Variants in AADACL2 observed in about 807,000 individuals in gnomAD.
AADACL2 encodes arylacetamide deacetylase like 2, also known as arylacetamide deacetylase-like 2.
In AADACL2, 23 loss-of-function variants were observed where a neutral mutation model predicts 22.3. That is an observed-to-expected ratio of 1.03 (90% CI 0.74 to 1.46). AADACL2 has a LOEUF of 1.46. Among genes scored for constraint, AADACL2 ranks in the 40% most tolerant of loss-of-function variants. AADACL2 has a pLI of 0.00. For missense variants in AADACL2, 472 were observed against 482.9 expected, an observed-to-expected ratio of 0.98 and a Z score of 0.21; for synonymous variants, 177 against 166.2, an observed-to-expected ratio of 1.07 and a Z score of -0.50.
rs1714003493 is a variant in AADACL2 at position 151,757,931 on chromosome 3, T to C, written c.*337T>C. 1 of 177,116 alleles carries C rather than the reference T, an allele frequency of 5.6e-6. No individual in the cohort carries two copies. The highest frequency in any genetic ancestry group is 1.2e-5 in the Non-Finnish European group (1 of 84,202). 11.0% of individuals were successfully genotyped at this position (177,116 alleles called of 1,614,324 possible). On this transcript the variant is annotated 3_prime_UTR_variant, in exon 5 of 5. Coordinates refer to ENST00000356517, the MANE Select transcript of AADACL2 (RefSeq NM_207365.4). ...CAGATAGGCACAGAAATTGTTGTAG[T>C]GAGTGGGAAGAGGAAAAAACATGGA...
chr3:151,743,429 G>T (rs182508283), intron 2 of AADACL2, among the ~76,000 whole-genome samples: 21 of 152,260 alleles, frequency 1.4e-4, no homozygotes, highest in Middle Eastern at 3.4e-3. Flanking sequence ...AAAGATGTGT[G>T]TGTGTGTGTT....
chr3:151,741,881 A>T (rs994312209), intron 2 of AADACL2, among the ~76,000 whole-genome samples: 2 of 152,166 alleles, frequency 1.3e-5, no homozygotes, highest in African/African-American at 4.8e-5. Flanking sequence ...ATAGGCAATG[A>T]TTGTGATCAG....
chr3:151,752,761 TA>T (rs1277740266), intron 4 of AADACL2, among the ~76,000 whole-genome samples: 1 of 152,190 alleles, frequency 6.6e-6, no homozygotes, highest in Non-Finnish European at 1.5e-5. Flanking sequence ...TTAGATATTC[TA>T]AAAAATAAGT....
Position 151,757,644 on chromosome 3 carries a change from T to A in AADACL2, c.*50T>A. On this transcript the variant is annotated 3_prime_UTR_variant, in exon 5 of 5. Coordinates refer to ENST00000356517, the MANE Select transcript of AADACL2 (RefSeq NM_207365.4). ...TTACATAGTGGATTGTAATTTGTGATATTTTGTGGTTTTGGAGCAAAGAAC... is the reference window on the plus strand; with the variant it reads ...TTACATAGTGGATTGTAATTTGTGAAATTTTGTGGTTTTGGAGCAAAGAAC... 6.6e-7 allele frequency: 1 copy of A among 1,526,038 alleles called. No homozygotes were observed. The highest frequency in any genetic ancestry group is 8.8e-7 in the Non-Finnish European group (1 of 1,138,772). 94.5% of individuals were successfully genotyped at this position (1,526,038 alleles called of 1,614,324 possible).
At chr3:151,742,076 A>G (rs1713295844) in intron 2 of AADACL2, among the ~76,000 whole-genome samples, 1 of 152,210 alleles carries the variant, frequency 6.6e-6, no homozygotes, top group Non-Finnish European at 1.5e-5. Context: ...TCACCAAGAA[A>G]AAATAGACAT....
At chr3:151,745,241 A>T (rs1713400233) in intron 3 of AADACL2, among the ~76,000 whole-genome samples, 1 of 152,218 alleles carries the variant, frequency 6.6e-6, no homozygotes, top group Non-Finnish European at 1.5e-5. Flanking sequence ...ATACACTTGG[A>T]CTAAAATTTT....
Position 151,757,551 on chromosome 3 carries a change from G to A in AADACL2, c.1163G>A (p.Arg388Lys). ...CCATTTTATTTACGTCTAGGTCTTA[G>A]GATAAGAGATATGTATGTAAGTTGG... ...TSPFYLRLGL[R>K]IRDMYVSWLD... Residue 388 changes from arginine (R) to lysine (K), a missense_variant, in exon 5 of 5, where the codon AGG (arginine) becomes AAG (lysine). Arg to Lys is a conservative substitution (Grantham distance 26, BLOSUM62 2). Around this residue, in one of 3 missense-constraint regions of AADACL2, gnomAD observed 113 missense variants for 100.9 expected, o/e 1.12. Coordinates refer to ENST00000356517, the MANE Select transcript of AADACL2 (RefSeq NM_207365.4). 6.2e-7 allele frequency: 1 copy of A among 1,612,690 alleles called. No homozygotes were observed. Among genetic ancestry groups the A allele is most frequent in the Non-Finnish European group, 8.5e-7 (1 of 1,179,146 alleles).
intron 4 of AADACL2, among the ~76,000 whole-genome samples, chr3:151,752,134 T>A (rs56339496): frequency 0.19 from 28,763 of 152,146 alleles, 2,816 homozygotes; most frequent in East Asian, 0.27. Context: ...TTATTACCTG[T>A]ACTGTGTTTA....
chr3:151,739,278 G>A (rs1360703326), intron 1 of AADACL2, among the ~76,000 whole-genome samples: 1 of 152,266 alleles, frequency 6.6e-6, no homozygotes, highest in African/African-American at 2.4e-5. Context: ...GTTGCAGTTT[G>A]CTGGAGGTCC....
chr3:151,745,678 C>T lies in AADACL2; in HGVS notation c.601C>T (p.Gln201Ter). 1 of 1,600,806 alleles carries T rather than the reference C, an allele frequency of 6.2e-7. No homozygotes were observed. The highest frequency in any genetic ancestry group is 8.5e-7 in the Non-Finnish European group (1 of 1,175,656). ...GGNLATAVTQ[Q>*]VQNDAEIKHK... ...CAATTTAGCAACAGCGGTCACTCAA[C>T]AGGTACATTATATTTGTTTTTATGA... is the stretch of plus-strand genomic sequence containing the variant. The change falls in exon 4 of 5, where the codon CAG (glutamine) becomes TAG (stop). Residue 201 changes from glutamine (Q) to a stop codon, truncating the protein, a stop_gained and splice_region_variant. Coordinates refer to ENST00000356517, the MANE Select transcript of AADACL2 (RefSeq NM_207365.4). LOFTEE classifies it low-confidence loss of function (END_TRUNC).
intron 2 of AADACL2, 124 bp from the exon 3 acceptor site, chr3:151,743,969 G>A (rs1169967855): frequency 1.1e-5 from 10 of 924,460 alleles, no homozygotes; most frequent in Admixed American, 6.5e-5. Flanking sequence ...GCTTGGAAAT[G>A]GGGGGTGGAA....
chr3:151,756,435 A>T (rs1035137554), intron 4 of AADACL2, among the ~76,000 whole-genome samples: 4 of 151,696 alleles, frequency 2.6e-5, no homozygotes, highest in African/African-American at 4.8e-5. Context: ...GTGCTTTTGC[A>T]TTGGGATAAT....
chr3:151,744,979 T>G (rs1713391875), intron 3 of AADACL2, among the ~76,000 whole-genome samples: 2 of 152,146 alleles, frequency 1.3e-5, no homozygotes, highest in South Asian at 4.1e-4. Flanking sequence ...CTCTCTGGCA[T>G]ATTTAAATTT....
In AADACL2 at chr3:151,761,208, T is replaced by TATATAG. The variant is rs1431824095; in HGVS notation, c.*3619_*3620insGATATA. 7.8e-5 allele frequency: 4 copies of TATATAG among 51,528 alleles called. No homozygotes were observed. Among genetic ancestry groups the TATATAG allele is most frequent in the African/African-American group, 3.3e-4 (4 of 12,232 alleles). 3.2% of individuals were successfully genotyped at this position (51,528 alleles called of 1,614,324 possible). A position where few individuals can be genotyped will look rare whatever the true frequency, so the allele number is the denominator to read the frequency against. On this transcript the variant is annotated 3_prime_UTR_variant, in exon 5 of 5. Transcript: ENST00000356517. ...GGTGAGATATATACATATTGTGATA[T>TATATAG]ATATATATATATATATATATATATA...
At position 151,740,870 on chromosome 3, in the gene AADACL2, T is replaced by G; in HGVS notation, c.361+2T>G. On this transcript the variant is annotated splice_donor_variant, in intron 2 of 4. Transcript: ENST00000356517. LOFTEE classifies it high-confidence loss of function. ...GTGGTTTTTGTTTTGGAAGTTCCAGTAAGTTCATTGTATAAGGAAAAAGTG... is the reference window on the plus strand; with the variant it reads ...GTGGTTTTTGTTTTGGAAGTTCCAGGAAGTTCATTGTATAAGGAAAAAGTG... 1 of 1,613,638 alleles carries G rather than the reference T, an allele frequency of 6.2e-7. No homozygotes were observed. Among genetic ancestry groups the G allele is most frequent in the Non-Finnish European group, 8.5e-7 (1 of 1,179,680 alleles).
intron 2 of AADACL2, among the ~76,000 whole-genome samples, chr3:151,741,286 A>G (rs1433464448): frequency 6.6e-6 from 1 of 152,198 alleles, no homozygotes; most frequent in Admixed American, 6.5e-5. Context: ...TACTGATAAC[A>G]TAATAGAAAT....
intron 4 of AADACL2, among the ~76,000 whole-genome samples, chr3:151,750,132 T>A (rs529747914): frequency 6.6e-6 from 1 of 152,354 alleles, no homozygotes; most frequent in South Asian, 2.1e-4. Context: ...CTATGGCATA[T>A]CACCTTGATA....
chr3:151,742,830 C>T (rs1713322456), intron 2 of AADACL2, among the ~76,000 whole-genome samples: 1 of 152,176 alleles, frequency 6.6e-6, no homozygotes, highest in Non-Finnish European at 1.5e-5. Flanking sequence ...AATCAGGAAT[C>T]AGCTGTTTTA....
chr3:151,746,656 C>G (rs1264268017), intron 4 of AADACL2, among the ~76,000 whole-genome samples: 1 of 151,892 alleles, frequency 6.6e-6, no homozygotes, highest in African/African-American at 2.4e-5. Context: ...ATAAATGGGT[C>G]TTGAATTAGT....
Sources: gnomAD v4.1 joint callset for allele counts (sites outside exome capture counted in the v4.1 genomes callset) on GRCh38, gnomAD v4.1.1 for gene constraint, gnomAD v4.1.1 regional missense constraint, MANE v1.5 for transcripts, NCBI Gene and HGNC (gene_info 2026-07-23, HGNC 2026-07-21) for gene names.